Variants in SLC27A6 observed in about 807,000 individuals in gnomAD.
SLC27A6 encodes the protein long-chain fatty acid transport protein 6.
Under a neutral mutation model 63.9 loss-of-function variants are expected in SLC27A6, and 74 were observed. The ratio of observed to expected loss-of-function variants is 1.16; its 90% CI spans 0.96 to 1.40. The LOEUF (loss-of-function observed/expected upper bound fraction) is 1.40. Among genes scored for constraint, SLC27A6 ranks in the 40% most tolerant of loss-of-function variants. The pLI is 0.00. For synonymous variants in SLC27A6, 287 were observed against 260.8 expected (o/e 1.10, Z -0.97); for missense variants, 794 against 732.9 (o/e 1.08, Z -0.96).
chr5:129,005,608 A>ATTTTTTTTTTTTTTT (rs34048257), intron 4 of SLC27A6, among the ~76,000 whole-genome samples: 1 of 98,914 alleles, frequency 1.0e-5, no homozygotes, highest in Non-Finnish European at 1.9e-5. Flanking sequence ...GTCTGGTTGT[A>ATTTTTTTTTTTTTTT]TTTTTTTTTT....
intron 1 of SLC27A6, among the ~76,000 whole-genome samples, chr5:128,981,174 A>C (rs1445510325): frequency 6.6e-6 from 1 of 152,116 alleles, no homozygotes; most frequent in Non-Finnish European, 1.5e-5. Flanking sequence ...ACTTTGTTAA[A>C]GGTCATAGAA....
At position 129,029,656 on chromosome 5, in the gene SLC27A6, A is replaced by G. The variant is rs201406028; in HGVS notation, c.1632A>G (p.Gln544=). The G allele has an allele frequency of 9.4e-6, 15 of 1,602,816 alleles. No homozygotes were observed. In the East Asian group the frequency reaches 3.4e-4, roughly 36 times the overall value. ...TAGATTTGGAAAAAGTTTATGAACA[A>G]GTTGTAACATTTCTACCAGCTTATG... ...TSLDLEKVYE[Q]VVTFLPAYAC... Residue 544 remains glutamine, a synonymous_variant, in exon 9 of 10, where the codon CAA becomes CAG. Coordinates refer to ENST00000262462, the MANE Select transcript of SLC27A6 (RefSeq NM_001017372.3).
At chr5:129,008,819 C>T (rs188211454) in intron 4 of SLC27A6, among the ~76,000 whole-genome samples, 10 of 151,152 alleles carry the variant, frequency 6.6e-5, no homozygotes, top group Non-Finnish European at 1.2e-4. Context: ...CAAGTGAGAG[C>T]GTTTCACATA....
At chr5:128,971,324 G>T (rs562996044) in intron 1 of SLC27A6, among the ~76,000 whole-genome samples, 10 of 151,934 alleles carry the variant, frequency 6.6e-5, no homozygotes, top group African/African-American at 1.9e-4. Flanking sequence ...GTTAACTTTT[G>T]GTCTCATTGA....
At chr5:129,017,931 T>C (rs570713213) in intron 5 of SLC27A6, among the ~76,000 whole-genome samples, 1 of 152,296 alleles carries the variant, frequency 6.6e-6, no homozygotes, top group South Asian at 2.1e-4. Context: ...CTCTTCCAGA[T>C]AATGCAGAAG....
chr5:128,982,333 C>T lies in SLC27A6; in HGVS notation c.482-2800C>T, dbSNP rs184101027. Among the ~76,000 whole-genome samples the T allele has an allele frequency of 5.9e-5, 9 of 152,296 alleles. No homozygotes were observed. The East Asian group carries it at 1.7e-3, about 29-fold the overall frequency. On this transcript the variant is annotated intron_variant, in intron 1 of 9. Coordinates refer to ENST00000262462, the MANE Select transcript of SLC27A6 (RefSeq NM_001017372.3). ...TAATTTTAACTTATGAAAGAAGTGA[C>T]ATTGTATCTCCTCTGATTCCTAGGA...
rs1032227632 is a variant in SLC27A6 at position 128,965,986 on chromosome 5, C to T, written c.-152C>T. ...ACGATTCTGTTTCTCAGGATTCCTC[C>T]CCATCCCGCTTCGCCCCGGAAAAGC... On this transcript the variant is annotated 5_prime_UTR_variant, in exon 1 of 10. Transcript: ENST00000262462. 3.6e-6 allele frequency: 3 copies of T among 822,382 alleles called. No homozygotes were observed. The African/African-American group carries it at 5.2e-5, about 14-fold the overall frequency. The allele number at this position is 822,382 out of a possible 1,614,324, so 50.9% of individuals were successfully genotyped here. A position where few individuals can be genotyped will look rare whatever the true frequency, so the allele number is the denominator to read the frequency against.
At chr5:129,026,635 T>A (rs1348213651) in intron 6 of SLC27A6, among the ~76,000 whole-genome samples, 1 of 152,152 alleles carries the variant, frequency 6.6e-6, no homozygotes, top group Non-Finnish European at 1.5e-5. Flanking sequence ...TTTACCCCTC[T>A]CGGTCCTAGT....
chr5:129,019,395 AAATG>A (rs1752003846), intron 5 of SLC27A6, among the ~76,000 whole-genome samples: 1 of 152,054 alleles, frequency 6.6e-6, no homozygotes, highest in South Asian at 2.1e-4. Context: ...CAGCTGAAAA[AAATG>A]AATGCACATT....
intron 4 of SLC27A6, among the ~76,000 whole-genome samples, chr5:128,999,956 G>T (rs1751279556): frequency 6.6e-6 from 1 of 152,176 alleles, no homozygotes; most frequent in South Asian, 2.1e-4. Flanking sequence ...TCCAAAAATG[G>T]CTGGAGAGCA....
chr5:128,966,239 G>A lies in SLC27A6; in HGVS notation c.102G>A (p.Val34=). ...ACTTTTGGGATGACTTCTGGTTCGT[G>A]TTGAAGGTGGTGCTCATTATAATTC... is the stretch of plus-strand genomic sequence containing the variant. The part of the protein sequence containing the change: ...FPYFWDDFWF[V]LKVVLIIIRL... The change falls in exon 1 of 10, where the codon GTG becomes GTA. Residue 34 remains valine, a synonymous_variant. Transcript: ENST00000262462. 6.2e-7 allele frequency: 1 copy of A among 1,613,600 alleles called. No homozygotes were observed. Among genetic ancestry groups the A allele is most frequent in the Non-Finnish European group, 8.5e-7 (1 of 1,179,694 alleles).
intron 6 of SLC27A6, among the ~76,000 whole-genome samples, chr5:129,026,262 T>C (rs4836433): frequency 0.25 from 37,881 of 152,056 alleles, 5,850 homozygotes; most frequent in East Asian, 0.7. Context: ...CTTGAAGACT[T>C]CCAGAGCAGT....
chr5:128,978,979 T>C (rs1750487401), intron 1 of SLC27A6, among the ~76,000 whole-genome samples: 1 of 152,172 alleles, frequency 6.6e-6, no homozygotes, highest in South Asian at 2.1e-4. Flanking sequence ...CGATAGGCTA[T>C]ATATCATACA....
intron 4 of SLC27A6, among the ~76,000 whole-genome samples, chr5:129,002,677 C>A (rs1214566002): frequency 6.6e-6 from 1 of 152,200 alleles, no homozygotes; most frequent in Non-Finnish European, 1.5e-5. Flanking sequence ...GAGCAGACAA[C>A]AATCCCTGCC....
chr5:128,990,684 G>A (rs192781548), intron 4 of SLC27A6, among the ~76,000 whole-genome samples: 48 of 152,242 alleles, frequency 3.2e-4, no homozygotes, highest in East Asian at 1.2e-3. Context: ...TTGGCCTCAC[G>A]GATTCCAAGG....
rs781176061 is a variant in SLC27A6, at chr5:128,966,211, C to G, written c.74C>G (p.Pro25Arg). 19 of 1,608,526 alleles carry G rather than the reference C, an allele frequency of 1.2e-5. No homozygotes were observed. In the South Asian group the frequency reaches 2.0e-4, roughly 17 times the overall value. Residue 25 changes from proline to arginine, a missense_variant, in exon 1 of 10, where the codon CCT becomes CGT. Coordinates refer to ENST00000262462, the MANE Select transcript of SLC27A6 (RefSeq NM_001017372.3). Reference sequence around the variant, plus strand: ...CACTTCTTGCAGAAACTCCTGTTCCCTTACTTTTGGGATGACTTCTGGTTC... The same window carrying G: ...CACTTCTTGCAGAAACTCCTGTTCCGTTACTTTTGGGATGACTTCTGGTTC... Reference protein sequence around the residue: ...VLHFLQKLLFPYFWDDFWFVL... With the variant: ...VLHFLQKLLFRYFWDDFWFVL...
chr5:129,016,597 A>G (rs546883647), intron 5 of SLC27A6, among the ~76,000 whole-genome samples: 26 of 151,740 alleles, frequency 1.7e-4, no homozygotes, highest in African/African-American at 6.0e-4. Flanking sequence ...TTTCTCTCTC[A>G]TATCACCATA....
intron 1 of SLC27A6, among the ~76,000 whole-genome samples, chr5:128,981,817 CT>C (rs1554096467): frequency 7.5e-5 from 11 of 146,432 alleles, no homozygotes; most frequent in Admixed American, 2.7e-4. Context: ...CTTTTCTTTT[CT>C]TTTTTTTTTT....
At chr5:129,012,349 T>C (rs1751754560) in intron 4 of SLC27A6, among the ~76,000 whole-genome samples, 1 of 152,232 alleles carries the variant, frequency 6.6e-6, no homozygotes, top group East Asian at 1.9e-4. Flanking sequence ...CTTAATGCTT[T>C]GAATTTGGCT....
Sources: allele counts gnomAD v4.1 joint callset (sites outside exome capture counted in the v4.1 genomes callset), GRCh38; gene constraint gnomAD v4.1.1; transcripts MANE v1.5; gene names NCBI Gene and HGNC (gene_info 2026-07-23, HGNC 2026-07-21).